TRPM3: variants seen among roughly 807,000 people sequenced by gnomAD.
The protein encoded by TRPM3 is transient receptor potential cation channel subfamily M member 3, also known as long transient receptor potential channel 3.
A neutral mutation model predicts 181.2 loss-of-function variants in TRPM3; 77 were observed. That is an observed-to-expected ratio of 0.42 (90% confidence interval 0.35 to 0.51). TRPM3 has a LOEUF of 0.51. Among genes scored for constraint, TRPM3 ranks in the 20% least tolerant of loss-of-function variants. The probability of loss-of-function intolerance (pLI) is 0.01; values close to 1 mark genes in which losing one functional copy is unlikely to be tolerated. For missense variants in TRPM3, 1,759 were observed against 2,196.7 expected, an observed-to-expected ratio of 0.80 and a Z score of 3.98; for synonymous variants, 745 against 796.4, an observed-to-expected ratio of 0.94 and a Z score of 1.09.
chr9:71,415,382 T>C (rs1455474596), intron 1 of TRPM3, among the ~76,000 whole-genome samples: 1 of 152,076 alleles, frequency 6.6e-6, no homozygotes, highest in South Asian at 2.1e-4. Flanking sequence ...CATGATTAGA[T>C]GTAAATATGG....
At chr9:70,630,261 C>A (rs2065563455) in intron 12 of TRPM3, among the ~76,000 whole-genome samples, 1 of 152,212 alleles carries the variant, frequency 6.6e-6, no homozygotes, top group South Asian at 2.1e-4. Context: ...GGCTTGGACA[C>A]AATAACTTCT....
chr9:70,949,663 C>A (rs555730968), intron 1 of TRPM3, among the ~76,000 whole-genome samples: 1 of 151,976 alleles, frequency 6.6e-6, no homozygotes, highest in East Asian at 1.9e-4. Flanking sequence ...CTTAGTCTCC[C>A]GAGTAGCTGG....
chr9:71,017,137 T>C (rs1289573265), intron 1 of TRPM3, among the ~76,000 whole-genome samples: 1 of 152,118 alleles, frequency 6.6e-6, no homozygotes, highest in African/African-American at 2.4e-5. Context: ...CATAAATTCA[T>C]CAGAGAGACT....
intron 3 of TRPM3, among the ~76,000 whole-genome samples, chr9:70,855,592 C>G (rs936938560): frequency 6.6e-6 from 1 of 152,220 alleles, no homozygotes; most frequent in Non-Finnish European, 1.5e-5. Context: ...ATGGAACTAT[C>G]ATTGCTAAAT....
At chr9:70,975,422 C>G (rs532126943) in intron 1 of TRPM3, among the ~76,000 whole-genome samples, 23 of 152,292 alleles carry the variant, frequency 1.5e-4, no homozygotes, top group Admixed American at 4.6e-4. Context: ...CTCTTGAAAA[C>G]AAATATAATA....
rs115116937 is a variant in TRPM3, at chr9:70,653,230, G to A, written c.1346-12570C>T. On this transcript the variant is annotated intron_variant, in intron 9 of 25. Transcript: ENST00000677713. The stretch of plus-strand genomic sequence containing the variant: ...TATTCATGAATGGAAAAGAATGATA[G>A]GAAGGGAGCTTGGCTGAGGCTGAAT... 3.5e-3 allele frequency among the ~76,000 whole-genome samples: 538 copies of A among 152,234 alleles called. 2 individuals are homozygous for A. Among genetic ancestry groups the A allele is most frequent in the African/African-American group, 0.012 (505 of 41,544 alleles).
At chr9:70,874,594 T>C (rs1451448628) in intron 1 of TRPM3, among the ~76,000 whole-genome samples, 1 of 151,998 alleles carries the variant, frequency 6.6e-6, no homozygotes, top group Non-Finnish European at 1.5e-5. Flanking sequence ...TCCTTAATTC[T>C]GTTTAGCTTT....
At chr9:70,667,826 A>G (rs890309853) in intron 9 of TRPM3, among the ~76,000 whole-genome samples, 2 of 152,168 alleles carry the variant, frequency 1.3e-5, no homozygotes, top group Non-Finnish European at 2.9e-5. Flanking sequence ...TAGAAATGCC[A>G]CACATCACTT....
At chr9:71,427,898 C>G (rs1361262536) in intron 1 of TRPM3, among the ~76,000 whole-genome samples, 1 of 151,912 alleles carries the variant, frequency 6.6e-6, no homozygotes, top group Non-Finnish European at 1.5e-5. Flanking sequence ...GCACACGTAC[C>G]CCCTGGATCT....
At chr9:71,324,749 AGT>A (rs1227010623) in intron 1 of TRPM3, among the ~76,000 whole-genome samples, 1 of 152,124 alleles carries the variant, frequency 6.6e-6, no homozygotes, top group Non-Finnish European at 1.5e-5. Context: ...GCATAAAGAA[AGT>A]GTGGTATATA....
Position 70,532,827 on chromosome 9 carries a change from A to G in TRPM3, c.*3126T>C, listed in dbSNP as rs2041072151. 6.6e-6 allele frequency: 1 copy of G among 152,184 alleles called. No homozygotes were observed. Among genetic ancestry groups the G allele is most frequent in the African/African-American group, 2.4e-5 (1 of 41,446 alleles). 9.4% of individuals were successfully genotyped at this position (152,184 alleles called of 1,614,324 possible). A position where few individuals can be genotyped will look rare whatever the true frequency, so the allele number is the denominator to read the frequency against. ...CTTAATTCACAAAGACAGGTAATTA[A>G]CGTCCCCTCGATCAGGGATGTGGTG... On this transcript the variant is annotated 3_prime_UTR_variant, in exon 26 of 26. Coordinates refer to ENST00000677713, the MANE Select transcript of TRPM3 (RefSeq NM_001366145.2).
At chr9:71,049,656 C>G (rs1324989245) in intron 1 of TRPM3, among the ~76,000 whole-genome samples, 3 of 152,062 alleles carry the variant, frequency 2.0e-5, no homozygotes, top group African/African-American at 7.2e-5. Flanking sequence ...TCCCTGGAAG[C>G]AATTGACACT....
intron 1 of TRPM3, among the ~76,000 whole-genome samples, chr9:71,069,616 T>TTC (rs1314490898): frequency 4.4e-5 from 6 of 135,752 alleles, no homozygotes; most frequent in Middle Eastern, 3.8e-3. Flanking sequence ...TTCTTTTTTT[T>TTC]TTTTTTTTTT....
At chr9:70,828,716 T>TTA (rs58223984) in intron 5 of TRPM3, among the ~76,000 whole-genome samples, 1 of 52,134 alleles carries the variant, frequency 1.9e-5, no homozygotes. Flanking sequence ...TTTTTTTTTT[T>TTA]ATAAAAAGAA....
At chr9:71,220,989 A>G (rs2080206198) in intron 1 of TRPM3, among the ~76,000 whole-genome samples, 1 of 152,080 alleles carries the variant, frequency 6.6e-6, no homozygotes, top group Admixed American at 6.6e-5. Context: ...AAGGTAGTAC[A>G]ATGTGAGACG....
chr9:70,778,545 C>T (rs2081898583), intron 7 of TRPM3, among the ~76,000 whole-genome samples: 1 of 152,072 alleles, frequency 6.6e-6, no homozygotes, highest in South Asian at 2.1e-4. Flanking sequence ...CCAAGGTTTC[C>T]CTTCTGAGAA....
Position 71,151,518 on chromosome 9 carries a change from T to C in TRPM3, c.184-287007A>G, listed in dbSNP as rs181652170. On this transcript the variant is annotated intron_variant, in intron 1 of 24. Transcript: ENST00000357533. ...CTTGCACTCCTGGTGGGAATACAAA[T>C]TGATAGAACTTCTATGAAGGGCAAT... is the stretch of plus-strand genomic sequence containing the variant. Among the ~76,000 whole-genome samples the C allele has an allele frequency of 8.9e-4, 135 of 152,050 alleles. 1 individual carries two copies. Among genetic ancestry groups the C allele is most frequent in the Non-Finnish European group, 4.4e-4 (30 of 67,922 alleles).
chr9:71,167,679 T>G (rs2076605217), intron 1 of TRPM3, among the ~76,000 whole-genome samples: 2 of 152,174 alleles, frequency 1.3e-5, no homozygotes, highest in Non-Finnish European at 1.5e-5. Flanking sequence ...AACTCCCTCA[T>G]GACTTCAGCC....
rs568521251 is a variant in TRPM3, at chr9:71,215,150, T to C, written c.183+231503A>G. 9.9e-5 allele frequency among the ~76,000 whole-genome samples: 15 copies of C among 151,604 alleles called. No homozygotes were observed. The East Asian group carries it at 2.5e-3, about 26-fold the overall frequency. On this transcript the variant is annotated intron_variant, in intron 1 of 24. Transcript: ENST00000357533. ...AACACTGACAGAAAGTAATAGTTCA[T>C]AAATTTGTTAAATGATGAATATCCC...
Sources: allele counts gnomAD v4.1 joint callset (sites outside exome capture counted in the v4.1 genomes callset), GRCh38; gene constraint gnomAD v4.1.1; transcripts MANE v1.5; gene names NCBI Gene and HGNC (gene_info 2026-07-23, HGNC 2026-07-21).